UNC13C: variants seen among roughly 807,000 people sequenced by gnomAD.
UNC13C encodes unc-13 homolog C.
UNC13C carries 174 observed loss-of-function variants against 245.4 expected under a neutral mutation model. The ratio of observed to expected loss-of-function variants is 0.71; its 90% CI spans 0.63 to 0.80. UNC13C has a LOEUF of 0.80. Among genes scored for constraint, UNC13C ranks in the 30% least tolerant of loss-of-function variants. The pLI is 0.00. For missense variants in UNC13C, 2,829 were observed against 2,602.9 expected (o/e 1.09, Z -1.89); for synonymous variants, 992 against 895.1 (o/e 1.11, Z -1.93).
At chr15:54,254,115 A>G (rs2036220702) in intron 8 of UNC13C, among the ~76,000 whole-genome samples, 1 of 152,270 alleles carries the variant, frequency 6.6e-6, no homozygotes, top group South Asian at 2.1e-4. Flanking sequence ...CGTAGCATTA[A>G]TAAAACCTGT....
chr15:54,130,960 C>A (rs1172064774), intron 2 of UNC13C, among the ~76,000 whole-genome samples: 1 of 152,134 alleles, frequency 6.6e-6, no homozygotes, highest in Non-Finnish European at 1.5e-5. Context: ...TGTTAGCATC[C>A]CCTGTCCCTA....
intron 30 of UNC13C, among the ~76,000 whole-genome samples, chr15:54,593,076 C>T (rs1054625800): frequency 6.6e-6 from 1 of 152,192 alleles, no homozygotes; most frequent in Admixed American, 6.5e-5. Flanking sequence ...TGCTTGGTTT[C>T]ACTGGATACA....
chr15:54,203,375 A>C (rs1043605169), intron 4 of UNC13C, among the ~76,000 whole-genome samples: 4 of 151,538 alleles, frequency 2.6e-5, no homozygotes, highest in African/African-American at 9.7e-5. Flanking sequence ...ATACTTGTAC[A>C]CGCGTTTATA....
intron 19 of UNC13C, among the ~76,000 whole-genome samples, chr15:54,449,331 G>C (rs918427715): frequency 4.6e-5 from 7 of 152,154 alleles, no homozygotes; most frequent in African/African-American, 1.7e-4. Context: ...TGCCTTGCTA[G>C]GTTGGGGAAG....
At chr15:54,401,294 G>A (rs1011284349) in intron 18 of UNC13C, among the ~76,000 whole-genome samples, 2 of 152,046 alleles carry the variant, frequency 1.3e-5, no homozygotes, top group Non-Finnish European at 2.9e-5. Flanking sequence ...CAAGGCTAGA[G>A]TCACAAATAT....
At chr15:54,315,676 A>T (rs1280536121) in intron 13 of UNC13C, among the ~76,000 whole-genome samples, 2 of 151,628 alleles carry the variant, frequency 1.3e-5, no homozygotes, top group Non-Finnish European at 2.9e-5. Context: ...AACCAGTAAC[A>T]TTCCTACATG....
At chr15:54,509,710 T>A (rs948460263) in intron 23 of UNC13C, among the ~76,000 whole-genome samples, 1 of 152,204 alleles carries the variant, frequency 6.6e-6, no homozygotes, top group Non-Finnish European at 1.5e-5. Flanking sequence ...ATGAAGTTGT[T>A]CTTTTTTTCA....
At chr15:54,133,391 A>G (rs1376759408) in intron 2 of UNC13C, among the ~76,000 whole-genome samples, 4 of 152,190 alleles carry the variant, frequency 2.6e-5, no homozygotes, top group East Asian at 1.9e-4. Context: ...ATGGTTGAAT[A>G]GAATAGTGCT....
At chr15:54,320,824 A>T in intron 13 of UNC13C, 1 of 325,688 alleles carries the variant, frequency 3.1e-6, no homozygotes, top group South Asian at 2.9e-5. Context: ...TGACCACAGG[A>T]ACTAGAGCTT....
At chr15:54,408,148 C>T (rs1340042108) in intron 18 of UNC13C, among the ~76,000 whole-genome samples, 7 of 130,808 alleles carry the variant, frequency 5.4e-5, no homozygotes, top group African/African-American at 1.5e-4. Flanking sequence ...TGCAGTAAGC[C>T]GAGATGGCGC....
At chr15:53,841,572 AT>A in the UNC13C span, among the ~76,000 whole-genome samples, 1 of 152,292 alleles carries the variant, frequency 6.6e-6, no homozygotes, top group East Asian at 1.9e-4. Context: ...ATATGAAAAA[AT>A]TGCTACCTAC....
At chr15:54,465,239 CA>C (rs1160142871) in intron 19 of UNC13C, among the ~76,000 whole-genome samples, 1 of 151,988 alleles carries the variant, frequency 6.6e-6, no homozygotes, top group Non-Finnish European at 1.5e-5. Flanking sequence ...CACTTATCTT[CA>C]GTTTACCCTA....
intron 17 of UNC13C, among the ~76,000 whole-genome samples, chr15:54,345,665 T>C (rs2038843767): frequency 6.6e-6 from 1 of 152,216 alleles, no homozygotes; most frequent in Non-Finnish European, 1.5e-5. Context: ...TTTTGACTAA[T>C]AGAACTTCAG....
At chr15:53,999,191 C>A (rs1894772267) in intron 1 of UNC13C, among the ~76,000 whole-genome samples, 1 of 151,762 alleles carries the variant, frequency 6.6e-6, no homozygotes, top group African/African-American at 2.4e-5. Flanking sequence ...TTAAAGGTTT[C>A]TAGAATCCTC....
At chr15:54,000,779 C>G (rs1343298465) in intron 1 of UNC13C, among the ~76,000 whole-genome samples, 8 of 152,118 alleles carry the variant, frequency 5.3e-5, no homozygotes, top group African/African-American at 1.7e-4. Flanking sequence ...TTTGTTTAGA[C>G]ACTCGAGGTG....
chr15:53,872,194 A>G, the UNC13C span, among the ~76,000 whole-genome samples: 1 of 152,284 alleles, frequency 6.6e-6, no homozygotes, highest in East Asian at 1.9e-4. Flanking sequence ...CTGCATTTTC[A>G]GAGCAGGCAA....
chr15:54,130,002 C>CTTT (rs2031310511), intron 2 of UNC13C, among the ~76,000 whole-genome samples: 1 of 149,664 alleles, frequency 6.7e-6, no homozygotes, highest in Non-Finnish European at 1.5e-5. Context: ...AAGGTTATAA[C>CTTT]CTTTCTTCTG....
At chr15:54,496,593 G>GTT (rs948286015) in intron 20 of UNC13C, among the ~76,000 whole-genome samples, 8 of 151,876 alleles carry the variant, frequency 5.3e-5, no homozygotes, top group Admixed American at 1.3e-4. Flanking sequence ...TGGTGTGTGT[G>GTT]TGTATATATA....
At chr15:54,393,227 T>G (rs2040000511) in intron 18 of UNC13C, 46 bp downstream of exon 18, 1 of 1,435,310 alleles carries the variant, frequency 7.0e-7, no homozygotes, top group Non-Finnish European at 9.2e-7. Flanking sequence ...TCCACTAAAG[T>G]TCAAATAATA....
Sources: allele counts gnomAD v4.1 joint callset (sites outside exome capture counted in the v4.1 genomes callset), GRCh38; gene constraint gnomAD v4.1.1; transcripts MANE v1.5; gene names NCBI Gene and HGNC (gene_info 2026-07-23, HGNC 2026-07-21).